Variants in GRID1 observed in about 807,000 individuals in gnomAD.
The protein encoded by GRID1 is glutamate receptor ionotropic, delta-1.
Under a neutral mutation model 98.0 loss-of-function variants are expected in GRID1, and 28 were observed. That is an observed-to-expected ratio of 0.29 (90% CI 0.21 to 0.39). GRID1 has a LOEUF of 0.39. Among genes scored for constraint, GRID1 ranks in the 10% least tolerant of loss-of-function variants. The pLI, the probability that GRID1 is intolerant of heterozygous loss-of-function variation, is 1.00. For missense variants in GRID1, 1,111 were observed against 1,340.5 expected, an observed-to-expected ratio of 0.83 and a Z score of 2.67; for synonymous variants, 553 against 538.5, an observed-to-expected ratio of 1.03 and a Z score of -0.37.
intron 4 of GRID1, among the ~76,000 whole-genome samples, chr10:86,112,951 C>T (rs1428961294): frequency 1.3e-5 from 2 of 152,134 alleles, no homozygotes; most frequent in African/African-American, 4.8e-5. Context: ...GAGTAGAAGA[C>T]ACCCCTAGAA....
intron 4 of GRID1, among the ~76,000 whole-genome samples, chr10:86,027,443 G>A (rs1050405882): frequency 1.4e-4 from 21 of 152,182 alleles, no homozygotes; most frequent in Non-Finnish European, 4.4e-5. Flanking sequence ...CCTTCTCACG[G>A]CTAAATACTA....
chr10:85,988,642 C>T (rs4934143), intron 4 of GRID1, among the ~76,000 whole-genome samples: 109,591 of 152,056 alleles, frequency 0.72, 39,884 homozygotes, highest in South Asian at 0.83. Flanking sequence ...TCCCGGGCCT[C>T]GGCTGTGGGT....
intron 8 of GRID1, among the ~76,000 whole-genome samples, chr10:85,783,227 C>T (rs77743807): frequency 0.12 from 17,781 of 152,168 alleles, 1,168 homozygotes; most frequent in Middle Eastern, 0.2. Flanking sequence ...ACAACAGCAT[C>T]GCTAGCAGCA....
chr10:86,080,792 C>T (rs1285837481), intron 4 of GRID1, among the ~76,000 whole-genome samples: 1 of 152,186 alleles, frequency 6.6e-6, no homozygotes, highest in Non-Finnish European at 1.5e-5. Context: ...ACGACTGGAG[C>T]TTCCTCTAGT....
At chr10:86,232,305 A>G (rs959336914) in intron 2 of GRID1, among the ~76,000 whole-genome samples, 1 of 152,226 alleles carries the variant, frequency 6.6e-6, no homozygotes, top group African/African-American at 2.4e-5. Context: ...CCGCTCCCTC[A>G]GGAACTGATA....
At chr10:85,815,496 A>G (rs1210181570) in intron 8 of GRID1, among the ~76,000 whole-genome samples, 3 of 152,026 alleles carry the variant, frequency 2.0e-5, no homozygotes, top group Non-Finnish European at 4.4e-5. Context: ...TGTAGAAAAA[A>G]CTAAACAATT....
intron 5 of GRID1, among the ~76,000 whole-genome samples, chr10:85,910,716 T>C (rs1841525631): frequency 6.6e-6 from 1 of 152,204 alleles, no homozygotes; most frequent in African/African-American, 2.4e-5. Context: ...CTCTTCTGTG[T>C]GTCAGACCCT....
intron 2 of GRID1, among the ~76,000 whole-genome samples, chr10:86,208,258 C>A (rs901796710): frequency 4.6e-5 from 7 of 152,146 alleles, no homozygotes; most frequent in Non-Finnish European, 8.8e-5. Context: ...CGGTTCTCTC[C>A]TCTTCAAGGC....
chr10:85,662,961 C>CA (rs1840982670), intron 12 of GRID1, among the ~76,000 whole-genome samples: 1 of 152,108 alleles, frequency 6.6e-6, no homozygotes, highest in Admixed American at 6.5e-5. Flanking sequence ...TTTTGTTTCC[C>CA]AAGCCCACAG....
At chr10:85,685,925 A>C (rs1841263744) in intron 12 of GRID1, among the ~76,000 whole-genome samples, 1 of 152,088 alleles carries the variant, frequency 6.6e-6, no homozygotes, top group African/African-American at 2.4e-5. Flanking sequence ...TTGAAAAACA[A>C]TATAAAAGTA....
At chr10:86,301,940 T>A (rs1461542561) in intron 2 of GRID1, among the ~76,000 whole-genome samples, 1 of 152,236 alleles carries the variant, frequency 6.6e-6, no homozygotes, top group African/African-American at 2.4e-5. Flanking sequence ...TCATCAAGGC[T>A]ATATTTGCAC....
At chr10:86,020,749 C>A (rs998679119) in intron 4 of GRID1, among the ~76,000 whole-genome samples, 2 of 152,152 alleles carry the variant, frequency 1.3e-5, no homozygotes, top group African/African-American at 4.8e-5. Context: ...ACAGGCAGGC[C>A]CCACAGGATA....
intron 8 of GRID1, among the ~76,000 whole-genome samples, chr10:85,793,971 A>G (rs149345352): frequency 6.6e-6 from 1 of 152,348 alleles, no homozygotes; most frequent in African/African-American, 2.4e-5. Flanking sequence ...GACTTTTAAT[A>G]TGCTAATGTG....
At chr10:86,000,044 C>T (rs1036943224) in intron 4 of GRID1, among the ~76,000 whole-genome samples, 4 of 152,292 alleles carry the variant, frequency 2.6e-5, no homozygotes, top group East Asian at 3.9e-4. Context: ...TGTCCCTATT[C>T]ACAACCAACA....
At chr10:86,056,995 C>T (rs1191648115) in intron 4 of GRID1, among the ~76,000 whole-genome samples, 3 of 152,206 alleles carry the variant, frequency 2.0e-5, no homozygotes, top group African/African-American at 4.8e-5. Context: ...GAACTCTTAG[C>T]GAAGGTGAAG....
At chr10:85,617,287 C>T (rs528111406) in intron 14 of GRID1, among the ~76,000 whole-genome samples, 3 of 144,324 alleles carry the variant, frequency 2.1e-5, no homozygotes, top group Admixed American at 6.9e-5. Flanking sequence ...GGCTAGAGTG[C>T]AGTGACATGA....
intron 4 of GRID1, among the ~76,000 whole-genome samples, chr10:85,999,003 G>A (rs1434619244): frequency 6.6e-6 from 1 of 152,052 alleles, no homozygotes; most frequent in Non-Finnish European, 1.5e-5. Flanking sequence ...ACCTGAGATC[G>A]GGAGTTCGAG....
At chr10:86,090,297 A>G (rs532618161) in intron 4 of GRID1, among the ~76,000 whole-genome samples, 1 of 151,824 alleles carries the variant, frequency 6.6e-6, no homozygotes, top group Non-Finnish European at 1.5e-5. Context: ...ATGGTGGTGC[A>G]CACCTGTAGT....
At chr10:85,604,202 G>A (rs778777468) in intron 15 of GRID1, among the ~76,000 whole-genome samples, 6 of 152,152 alleles carry the variant, frequency 3.9e-5, no homozygotes, top group Non-Finnish European at 8.8e-5. Context: ...TGGGACCACT[G>A]CTCTCTCCGC....
Sources: gnomAD v4.1 joint callset for allele counts (sites outside exome capture counted in the v4.1 genomes callset) on GRCh38, gnomAD v4.1.1 for gene constraint, MANE v1.5 for transcripts, NCBI Gene and HGNC (gene_info 2026-07-23, HGNC 2026-07-21) for gene names.